REXO5: variants seen among roughly 807,000 people sequenced by gnomAD.
REXO5 encodes the protein RNA exonuclease 5, also known as exonuclease NEF-sp.
In REXO5, 48 loss-of-function variants were observed where a neutral mutation model predicts 88.5. That is an observed-to-expected ratio of 0.54 (90% CI 0.43 to 0.69). The LOEUF is 0.69. Among genes scored for constraint, REXO5 ranks in the 30% least tolerant of loss-of-function variants. The probability of loss-of-function intolerance (pLI) is 0.00; values close to 1 mark genes in which losing one functional copy is unlikely to be tolerated. For missense variants in REXO5, 749 were observed against 912.2 expected, an observed-to-expected ratio of 0.82 and a Z score of 2.30; for synonymous variants, 311 against 336.5, an observed-to-expected ratio of 0.92 and a Z score of 0.83.
Position 20,821,761 on chromosome 16 carries a change from G to C in REXO5, c.476-1G>C, listed in dbSNP as rs746216135. On this transcript the variant is annotated splice_acceptor_variant, in intron 5 of 19. Transcript: ENST00000261377. LOFTEE classifies it high-confidence loss of function. ...TATACGTTCAATTGTTTTTCTTTCA[G>C]GGCCTTTACCTTCTAATGCAAAAGC... 6.4e-7 allele frequency: 1 copy of C among 1,568,526 alleles called. No individual in the cohort carries two copies. The highest frequency in any genetic ancestry group is 1.4e-5 in the African/African-American group (1 of 72,358).
chr16:20,807,187 T>G (rs1240190937), intron 2 of REXO5, 96 bp downstream of exon 2: 1 of 1,425,758 alleles, frequency 7.0e-7, no homozygotes, highest in Non-Finnish European at 9.5e-7. Context: ...TCGGGCGGGC[T>G]CTCCGCCCTG....
intron 2 of REXO5, chr16:20,808,914 G>GTTTGCTTTTTTTTGTTTTTTTTTCT (rs1567378840): frequency 6.8e-6 from 1 of 148,010 alleles, no homozygotes; most frequent in East Asian, 2.0e-4. Flanking sequence ...TTTTTTTTTC[G>GTTTGCTTTTTTTTGTTTTTTTTTCT]TTTGTTTTTT....
At position 20,807,045 on chromosome 16, in the gene REXO5, C is replaced by A. The variant is rs1340104777; in HGVS notation, c.92C>A (p.Ala31Glu). The change falls in exon 2 of 20, where the codon GCG becomes GAG. Residue 31 changes from alanine (A) to glutamate (E), a missense_variant. By Grantham distance (107) the Ala-to-Glu change is moderately radical. Coordinates refer to ENST00000261377, the MANE Select transcript of REXO5 (RefSeq NM_030941.3). ...APNKLVGAAE[A>E]MKAGWDLEES... Reference sequence around the variant, plus strand: ...AATAAGCTGGTCGGGGCAGCTGAGGCGATGAAAGCCGGTTGGGATCTCGAG... The same window carrying A: ...AATAAGCTGGTCGGGGCAGCTGAGGAGATGAAAGCCGGTTGGGATCTCGAG... The A allele has an allele frequency of 6.2e-6, 10 of 1,604,076 alleles. No homozygotes were observed. The highest frequency in any genetic ancestry group is 8.5e-6 in the Non-Finnish European group (10 of 1,176,208).
At chr16:20,817,961 A>G (rs1218523996) in intron 5 of REXO5, among the ~76,000 whole-genome samples, 1 of 152,114 alleles carries the variant, frequency 6.6e-6, no homozygotes, top group Admixed American at 6.5e-5. Flanking sequence ...TCCTCAAATA[A>G]TGGTCTCTTC....
At chr16:20,816,659 A>G (rs1268958796) in intron 5 of REXO5, among the ~76,000 whole-genome samples, 1 of 152,178 alleles carries the variant, frequency 6.6e-6, no homozygotes, top group African/African-American at 2.4e-5. Flanking sequence ...CAGTTTTTTT[A>G]AGGAAAAATG....
chr16:20,828,323 A>T lies in REXO5; in HGVS notation c.1056-112A>T, dbSNP rs139513394. ...AGGAACCTTGATTTTTGTGATGCAA[A>T]TCTAATTATCAGAATTCTAACATTT... On this transcript the variant is annotated intron_variant, in intron 10 of 19. Coordinates refer to ENST00000261377, the MANE Select transcript of REXO5 (RefSeq NM_030941.3). The T allele has an allele frequency of 1.1e-3, 772 of 683,930 alleles. 8 individuals are homozygous for T. In the African/African-American group the frequency reaches 0.013, roughly 11 times the overall value. The allele number at this position is 683,930 out of a possible 1,614,324, so 42.4% of individuals were successfully genotyped here. A position where few individuals can be genotyped will look rare whatever the true frequency, so the allele number is the denominator to read the frequency against.
chr16:20,820,170 G>T (rs78930454), intron 5 of REXO5, among the ~76,000 whole-genome samples: 1 of 152,078 alleles, frequency 6.6e-6, no homozygotes, highest in African/African-American at 2.4e-5. Flanking sequence ...AATGGTGGAC[G>T]AAAGTTAATT....
intron 15 of REXO5, 60 bp downstream of exon 15, chr16:20,840,528 C>CT: frequency 7.1e-7 from 1 of 1,409,670 alleles, no homozygotes; most frequent in African/African-American, 1.4e-5. Context: ...CAGGTGACTG[C>CT]TTGGGCCATG....
chr16:20,839,377 T>G (rs2152510911), intron 13 of REXO5, among the ~76,000 whole-genome samples: 1 of 152,194 alleles, frequency 6.6e-6, no homozygotes, highest in South Asian at 2.1e-4. Context: ...CTTGATTTTT[T>G]TTTTTTTAAC....
chr16:20,824,522 G>A lies in REXO5; in HGVS notation c.700G>A (p.Glu234Lys), dbSNP rs1246131704. ...DNSPLFGLDC[E>K]MCLTSKGREL... ...TAGTCCTCTCTTTGGACTTGACTGT[G>A]AAATGGCACGTACTACTTTTAATTT... The change falls in exon 7 of 20, where the codon GAA (glutamate) becomes AAA (lysine). Residue 234 changes from glutamate to lysine, a missense_variant. Physicochemically the swap from Glu to Lys is moderately conservative, Grantham distance 56 (BLOSUM62 1). Transcript: ENST00000261377. 6.3e-7 allele frequency: 1 copy of A among 1,595,274 alleles called. No homozygotes were observed. The highest frequency in any genetic ancestry group is 1.7e-5 in the Admixed American group (1 of 59,676).
chr16:20,832,009 C>T, intron 11 of REXO5, 147 bp from the exon 12 acceptor site: 1 of 579,860 alleles, frequency 1.7e-6, no homozygotes, highest in Non-Finnish European at 3.1e-6. Context: ...AGGGCTGTGG[C>T]AATGGCAAAG....
At position 20,840,430 on chromosome 16, in the gene REXO5, C is replaced by T; in HGVS notation, c.1588C>T (p.Pro530Ser). 1 of 1,567,174 alleles carries T rather than the reference C, an allele frequency of 6.4e-7. No individual in the cohort carries two copies. The highest frequency in any genetic ancestry group is 8.7e-7 in the Non-Finnish European group (1 of 1,146,910). The change falls in exon 15 of 20, where the codon CCA becomes TCA. Residue 530 changes from proline (P) to serine (S), a missense_variant. Transcript: ENST00000261377. ...GAAGAGGCTGTTTAAAAGCTTTGGC[C>T]CAGTCCAGTCAATGACTTTTGTTCT... is the stretch of plus-strand genomic sequence containing the variant. ...ALKRLFKSFGPVQSMTFVLET... is the reference protein window; with the variant it reads ...ALKRLFKSFGSVQSMTFVLET...
In REXO5 at chr16:20,842,051, A is replaced by G. The variant is rs116907044; in HGVS notation, c.1626+1583A>G. ...TTTTTGGTTGCGGGGGTGGCGGGTA[A>G]AATACATATAAAATAAAATGTACCT... On this transcript the variant is annotated intron_variant, in intron 15 of 19. Coordinates refer to ENST00000261377, the MANE Select transcript of REXO5 (RefSeq NM_030941.3). Among the ~76,000 whole-genome samples, 505 of 152,260 alleles carry G rather than the reference A, an allele frequency of 3.3e-3. 4 individuals are homozygous for G. Among genetic ancestry groups the G allele is most frequent in the Middle Eastern group, 6.8e-3 (2 of 294 alleles).
At chr16:20,807,256 T>A (rs1375088726) in intron 2 of REXO5, 165 bp downstream of exon 2, 5 of 780,202 alleles carry the variant, frequency 6.4e-6, no homozygotes, top group Non-Finnish European at 1.0e-5. Context: ...ACCACCTTCC[T>A]GCAACAAGGC....
intron 2 of REXO5, among the ~76,000 whole-genome samples, chr16:20,808,358 CT>C (rs2080942256): frequency 6.6e-6 from 1 of 152,144 alleles, no homozygotes; most frequent in African/African-American, 2.4e-5. Context: ...GAGACAGGGT[CT>C]CTGCTCTGCT....
intron 15 of REXO5, among the ~76,000 whole-genome samples, chr16:20,840,890 A>G (rs1404658282): frequency 1.3e-5 from 2 of 152,188 alleles, no homozygotes; most frequent in Non-Finnish European, 2.9e-5. Flanking sequence ...CCATACGAAA[A>G]AATATGTCTG....
intron 11 of REXO5, 54 bp downstream of exon 11, chr16:20,828,591 C>G: frequency 8.5e-7 from 1 of 1,170,830 alleles, no homozygotes; most frequent in South Asian, 1.2e-5. Flanking sequence ...GGGACTAGAT[C>G]AGATTATCAC....
intron 12 of REXO5, 96 bp downstream of exon 12, chr16:20,832,355 T>A: frequency 1.4e-6 from 1 of 718,900 alleles, no homozygotes; most frequent in Non-Finnish European, 2.2e-6. Flanking sequence ...CTTTTGAGTC[T>A]ATTAAAAACT....
intron 11 of REXO5, among the ~76,000 whole-genome samples, chr16:20,829,356 G>A (rs1184275665): frequency 6.6e-6 from 1 of 152,068 alleles, no homozygotes; most frequent in Non-Finnish European, 1.5e-5. Context: ...GGAGTAGGGG[G>A]AGCATACAAT....
Sources: allele counts gnomAD v4.1 joint callset (sites outside exome capture counted in the v4.1 genomes callset), GRCh38; gene constraint gnomAD v4.1.1; transcripts MANE v1.5; gene names NCBI Gene and HGNC (gene_info 2026-07-23, HGNC 2026-07-21).